The following CAST variants were observed in gnomAD, a reference collection of about 807,000 sequenced individuals.
CAST encodes MIR583 host.
In CAST, 76 loss-of-function variants were observed where a neutral mutation model predicts 119.6. The observed-to-expected ratio is 0.64, with a 90% CI of 0.53 to 0.77. The LOEUF is 0.77. CAST is among the 30% of genes least tolerant of loss of function. The pLI is 0.00. For synonymous variants in CAST, 319 were observed against 331.6 expected, an observed-to-expected ratio of 0.96 and a Z score of 0.41; for missense variants, 953 against 946.5, an observed-to-expected ratio of 1.01 and a Z score of -0.09.
chr5:96,620,176 C>T (rs1747573482), intron 1 of CAST, among the ~76,000 whole-genome samples: 1 of 152,194 alleles, frequency 6.6e-6, no homozygotes, highest in Non-Finnish European at 1.5e-5. Flanking sequence ...CCTCCCTTGT[C>T]CTCTAGAGCC....
the CAST span, among the ~76,000 whole-genome samples, chr5:96,263,852 A>C: frequency 6.6e-6 from 1 of 152,144 alleles, no homozygotes; most frequent in African/African-American, 2.4e-5. Flanking sequence ...CCAGGAGGAG[A>C]GACAAAGAGA....
At position 96,676,776 on chromosome 5, in the gene CAST, C is replaced by A. The variant is rs181757875; in HGVS notation, c.138+1175C>A. ...ACATGAAAGTCTACCTAGTGTCAGC[C>A]AGGCACGGTGGCTCATGCCTGTAAT... On this transcript the variant is annotated intron_variant, in intron 2 of 31. Transcript: ENST00000675179. Among the ~76,000 whole-genome samples, 437 of 151,392 alleles carry A rather than the reference C, an allele frequency of 2.9e-3. 3 individuals carry two copies. The highest frequency in any genetic ancestry group is 0.01 in the African/African-American group (425 of 41,266).
the CAST span, among the ~76,000 whole-genome samples, chr5:96,015,245 C>G: frequency 6.6e-6 from 1 of 151,968 alleles, no homozygotes; most frequent in Non-Finnish European, 1.5e-5. Context: ...GTTGATGTAG[C>G]TTTTATTTTT....
rs572827135 is a variant in CAST at position 96,681,784 on chromosome 5, G to A, written c.138+6183G>A. Reference sequence around the variant, plus strand: ...CCAGGATGTACTTATATATTAATATGTGTTTTTCTTTATTAATTTGTCTTG... The same window carrying A: ...CCAGGATGTACTTATATATTAATATATGTTTTTCTTTATTAATTTGTCTTG... On this transcript the variant is annotated intron_variant, in intron 2 of 31. Coordinates refer to ENST00000675179, the MANE Select transcript of CAST (RefSeq NM_001750.7). Among the ~76,000 whole-genome samples the A allele has an allele frequency of 2.7e-5, 4 of 150,376 alleles. No homozygotes were observed. In the South Asian group the frequency reaches 6.3e-4, roughly 24 times the overall value.
At chr5:96,591,231 T>C (rs1746957087) in intron 1 of CAST, among the ~76,000 whole-genome samples, 1 of 152,168 alleles carries the variant, frequency 6.6e-6, no homozygotes, top group Non-Finnish European at 1.5e-5. Context: ...AGAATCTAGT[T>C]TAAAGAGAGT....
intron 1 of CAST, chr5:96,584,689 G>A (rs1746826818): frequency 8.0e-6 from 1 of 125,430 alleles, no homozygotes; most frequent in African/African-American, 2.7e-5. Flanking sequence ...GGAAGAAGCT[G>A]GGGTCATTAG....
the CAST span, among the ~76,000 whole-genome samples, chr5:96,269,231 T>C: frequency 6.6e-6 from 1 of 152,154 alleles, no homozygotes; most frequent in Non-Finnish European, 1.5e-5. Flanking sequence ...AATCATTATA[T>C]AACGTGAAAG....
the CAST span, among the ~76,000 whole-genome samples, chr5:96,381,340 A>C: frequency 1.3e-5 from 2 of 152,162 alleles, no homozygotes; most frequent in Non-Finnish European, 2.9e-5. Context: ...AGAAAGTTTC[A>C]ATAGATATAA....
chr5:96,329,339 A>G, the CAST span, among the ~76,000 whole-genome samples: 1 of 152,372 alleles, frequency 6.6e-6, no homozygotes, highest in South Asian at 2.1e-4. Context: ...TCAACCACAA[A>G]GCTTTCTCTT....
At chr5:96,733,393 G>A (rs1025269320) in intron 9 of CAST, among the ~76,000 whole-genome samples, 2 of 152,134 alleles carry the variant, frequency 1.3e-5, no homozygotes, top group Non-Finnish European at 1.5e-5. Flanking sequence ...AGAGGATTAG[G>A]CCCGCTAAAA....
intron 1 of CAST, among the ~76,000 whole-genome samples, chr5:96,644,150 T>C (rs1182774090): frequency 2.0e-5 from 3 of 152,214 alleles, no homozygotes; most frequent in Admixed American, 6.5e-5. Context: ...AACCATGGAA[T>C]TGTATACTTC....
the CAST span, among the ~76,000 whole-genome samples, chr5:96,401,019 G>A: frequency 1.3e-3 from 193 of 145,770 alleles, 1 homozygote; most frequent in African/African-American, 4.6e-3. Flanking sequence ...CCTGGGAGGC[G>A]GAGCTTGCAG....
the CAST span, among the ~76,000 whole-genome samples, chr5:96,158,782 A>T: frequency 1.3e-5 from 2 of 152,240 alleles, no homozygotes; most frequent in African/African-American, 4.8e-5. Flanking sequence ...TGAAAAATTG[A>T]TAAATGTGTA....
At chr5:96,118,614 T>C in the CAST span, among the ~76,000 whole-genome samples, 4 of 151,536 alleles carry the variant, frequency 2.6e-5, no homozygotes, top group Admixed American at 2.6e-4. Flanking sequence ...TCTTCTCAAC[T>C]GCATTTGGAA....
chr5:96,631,490 A>T (rs1747817909), intron 1 of CAST, among the ~76,000 whole-genome samples: 1 of 140,152 alleles, frequency 7.1e-6, no homozygotes, highest in South Asian at 2.4e-4. Flanking sequence ...CATTTTATTT[A>T]TTCATTAGCT....
chr5:96,448,640 G>C, the CAST span, among the ~76,000 whole-genome samples: 3 of 151,996 alleles, frequency 2.0e-5, no homozygotes, highest in African/African-American at 7.3e-5. Context: ...TGAAGCTCTT[G>C]GTGGGTTTAG....
intron 3 of CAST, among the ~76,000 whole-genome samples, chr5:96,713,001 T>A (rs903459354): frequency 6.6e-6 from 1 of 152,172 alleles, no homozygotes; most frequent in East Asian, 1.9e-4. Context: ...TTGCAGTTGG[T>A]TTTGCAGCGT....
chr5:96,605,295 T>C (rs1432527968), intron 1 of CAST, among the ~76,000 whole-genome samples: 1 of 152,186 alleles, frequency 6.6e-6, no homozygotes, highest in Admixed American at 6.5e-5. Flanking sequence ...CTGCATACTG[T>C]ATACTGCCTG....
At chr5:96,058,159 A>T in the CAST span, among the ~76,000 whole-genome samples, 1 of 152,062 alleles carries the variant, frequency 6.6e-6, no homozygotes, top group East Asian at 1.9e-4. Context: ...CTGATTCTCT[A>T]CTGATGGGAA....
Sources: allele counts gnomAD v4.1 joint callset (sites outside exome capture counted in the v4.1 genomes callset), GRCh38; gene constraint gnomAD v4.1.1; transcripts MANE v1.5; gene names NCBI Gene and HGNC (gene_info 2026-07-23, HGNC 2026-07-21).